Variants in MRPL16 observed in about 807,000 individuals in gnomAD.
The protein encoded by MRPL16 is large ribosomal subunit protein uL16m.
MRPL16 carries 17 observed loss-of-function variants against 22.7 expected under a neutral mutation model. That is an observed-to-expected ratio of 0.75 (90% CI 0.51 to 1.12). The LOEUF (loss-of-function observed/expected upper bound fraction) is 1.12, where lower values mean the gene tolerates loss of function less well. Ranked by LOEUF, MRPL16 falls within the 50% of genes most tolerant of loss-of-function variation. MRPL16 has a pLI of 0.00. For synonymous variants in MRPL16, 103 were observed against 112.8 expected (o/e 0.91, Z 0.55); for missense variants, 316 against 328.7 (o/e 0.96, Z 0.30).
intron 1 of MRPL16, chr11:59,810,306 C>T: frequency 7.8e-7 from 1 of 1,289,236 alleles, no homozygotes; most frequent in Non-Finnish European, 9.8e-7. Context: ...ACCGCGCCCG[C>T]CCAAAAGTAC....
intron 1 of MRPL16, chr11:59,810,390 G>C: frequency 1.4e-6 from 2 of 1,398,408 alleles, no homozygotes; most frequent in South Asian, 1.6e-5. Flanking sequence ...CTCCGCAAAA[G>C]GCCAGCCGGG....
intron 3 of MRPL16, 88 bp from the exon 4 acceptor site, chr11:59,806,920 T>G (rs1321074331): frequency 1.3e-6 from 2 of 1,486,794 alleles, no homozygotes; most frequent in Non-Finnish European, 1.8e-6. Flanking sequence ...TAACTGTGGC[T>G]TCAATGATAC....
rs1015218898 is a variant in MRPL16, at chr11:59,806,889, T to C, written c.271-57A>G. ...GCGGACTTCGACATCATCTATGGGC[T>C]CATTATTTTGTCTCTTCTAGTAACT... On this transcript the variant is annotated intron_variant, in intron 3 of 3. Coordinates refer to ENST00000300151, the MANE Select transcript of MRPL16 (RefSeq NM_017840.4). 6 of 1,551,312 alleles carry C rather than the reference T, an allele frequency of 3.9e-6. No homozygotes were observed. The Admixed American group carries it at 1.1e-4, about 30-fold the overall frequency.
chr11:59,810,046 C>T, intron 1 of MRPL16, 126 bp from the exon 2 acceptor site: 1 of 838,236 alleles, frequency 1.2e-6, no homozygotes, highest in Non-Finnish European at 1.8e-6. Flanking sequence ...TACTCTGTCG[C>T]CCAGGATCCA....
chr11:59,810,681 G>A lies in MRPL16; in HGVS notation c.-23C>T. On this transcript the variant is annotated 5_prime_UTR_variant, in exon 1 of 4. Transcript: ENST00000300151. ...CATGGTCACGGGCGTCCGGCGGCGC[G>A]GAGCTCCCCCAGCGACTCCGGCTGT... 4 of 1,613,550 alleles carry A rather than the reference G, an allele frequency of 2.5e-6. No homozygotes were observed. Among genetic ancestry groups the A allele is most frequent in the Non-Finnish European group, 3.4e-6 (4 of 1,179,736 alleles).
chr11:59,809,996 T>C, intron 1 of MRPL16, 76 bp from the exon 2 acceptor site: 2 of 1,172,310 alleles, frequency 1.7e-6, no homozygotes, highest in Admixed American at 2.5e-5. Context: ...AAGGTACTAC[T>C]TCTTATTTTT....
intron 1 of MRPL16, 154 bp downstream of exon 1, chr11:59,810,450 C>T (rs2135068737): frequency 2.0e-6 from 3 of 1,479,650 alleles, no homozygotes; most frequent in Middle Eastern, 2.1e-4. Flanking sequence ...TTGCACGAAC[C>T]CCTACGGTGG....
intron 1 of MRPL16, 95 bp downstream of exon 1, chr11:59,810,509 T>C (rs1866163048): frequency 6.3e-7 from 1 of 1,577,594 alleles, no homozygotes; most frequent in East Asian, 2.2e-5. Context: ...TCACCAAGCA[T>C]ATGCAGAGCC....
chr11:59,810,769 T>A lies in MRPL16; in HGVS notation c.-111A>T, dbSNP rs1866167320. 8.3e-7 allele frequency: 1 copy of A among 1,211,698 alleles called. No individual in the cohort carries two copies. The highest frequency in any genetic ancestry group is 2.1e-5 in the Admixed American group (1 of 48,692). The allele number at this position is 1,211,698 out of a possible 1,614,324, so 75.1% of individuals were successfully genotyped here. A position where few individuals can be genotyped will look rare whatever the true frequency, so the allele number is the denominator to read the frequency against. ...AGCTGTAATCGGCTCAGGACACCGC[T>A]CAGTGGGGCCGGAAGTTGTGTTCAC... On this transcript the variant is annotated 5_prime_UTR_variant, in exon 1 of 4. Transcript: ENST00000300151.
intron 1 of MRPL16, 198 bp downstream of exon 1, chr11:59,810,406 T>C: frequency 2.1e-6 from 3 of 1,406,814 alleles, no homozygotes; most frequent in South Asian, 1.6e-5. Context: ...CCGGGATCTC[T>C]GGGCGCCGAC....
At position 59,810,768 on chromosome 11, in the gene MRPL16, C is replaced by T; in HGVS notation, c.-110G>A. The T allele has an allele frequency of 1.7e-6, 2 of 1,211,060 alleles. No homozygotes were observed. Among genetic ancestry groups the T allele is most frequent in the Non-Finnish European group, 2.4e-6 (2 of 842,568 alleles). 75.0% of individuals were successfully genotyped at this position (1,211,060 alleles called of 1,614,324 possible). On this transcript the variant is annotated 5_prime_UTR_variant, in exon 1 of 4. Transcript: ENST00000300151. ...TAGCTGTAATCGGCTCAGGACACCG[C>T]TCAGTGGGGCCGGAAGTTGTGTTCA...
chr11:59,808,280 CAG>C (rs1377363571), intron 2 of MRPL16, among the ~76,000 whole-genome samples: 2 of 152,218 alleles, frequency 1.3e-5, no homozygotes, highest in Non-Finnish European at 2.9e-5. Flanking sequence ...AACACTGTAA[CAG>C]GGATTGTTTG....
Position 59,806,256 on chromosome 11 carries a change from GC to G in MRPL16, c.*90del. The G allele has an allele frequency of 7.1e-7, 1 of 1,411,596 alleles. No homozygotes were observed. The highest frequency in any genetic ancestry group is 1.4e-5 in the South Asian group (1 of 72,478). The allele number at this position is 1,411,596 out of a possible 1,614,324, so 87.4% of individuals were successfully genotyped here. A position where few individuals can be genotyped will look rare whatever the true frequency, so the allele number is the denominator to read the frequency against. ...GCTGCTCCTTAGTTATGGCTTAAGAGCTACCCAAAGACTTCAGTGGGTAGGC... is the reference window on the plus strand; with the variant it reads ...GCTGCTCCTTAGTTATGGCTTAAGAGTACCCAAAGACTTCAGTGGGTAGGC... On this transcript the variant is annotated 3_prime_UTR_variant, in exon 4 of 4. Transcript: ENST00000300151.
At chr11:59,809,798 C>T (rs911575294) in intron 2 of MRPL16, 57 bp downstream of exon 2, 4 of 1,469,028 alleles carry the variant, frequency 2.7e-6, no homozygotes, top group Non-Finnish European at 9.5e-7. Flanking sequence ...ATCTCCCACC[C>T]GCTCCTGGTT....
At chr11:59,809,598 C>G in intron 2 of MRPL16, 1 of 431,692 alleles carries the variant, frequency 2.3e-6, no homozygotes, top group Non-Finnish European at 4.1e-6. Flanking sequence ...ATGGGACACA[C>G]ACCAGTGGGA....
chr11:59,807,775 GT>G lies in MRPL16; in HGVS notation c.195del (p.Glu65AspfsTer5), dbSNP rs1162178167. 6.2e-7 allele frequency: 1 copy of G among 1,613,268 alleles called. No homozygotes were observed. The highest frequency in any genetic ancestry group is 8.5e-7 in the Non-Finnish European group (1 of 1,179,700). ...CCCCGTATGTCACTTAAATTTTTAG[GT>G]TCTCTTCTTACTTTTGGCACAAGTG... ...RAPLVPKVRR[E>X]PKNLSDIRGP... On this transcript the variant is annotated frameshift_variant, in exon 3 of 4. Transcript: ENST00000300151. LOFTEE classifies it high-confidence loss of function.
At chr11:59,810,349 G>T in intron 1 of MRPL16, 1 of 1,356,224 alleles carries the variant, frequency 7.4e-7, no homozygotes. Flanking sequence ...TGTGGGATGC[G>T]GATTCCACTA....
Position 59,806,161 on chromosome 11 carries a change from T to G in MRPL16, c.*186A>C. On this transcript the variant is annotated 3_prime_UTR_variant, in exon 4 of 4. Coordinates refer to ENST00000300151, the MANE Select transcript of MRPL16 (RefSeq NM_017840.4). ...TATATCCTGAAGTGATGTTTAAATT[T>G]TATTTAATAAAAATACAGTTTTCTT... 1.6e-6 allele frequency: 1 copy of G among 626,918 alleles called. No homozygotes were observed. Among genetic ancestry groups the G allele is most frequent in the South Asian group, 2.5e-5 (1 of 40,012 alleles). The allele number at this position is 626,918 out of a possible 1,614,324, so 38.8% of individuals were successfully genotyped here.
chr11:59,810,550 A>G, intron 1 of MRPL16, 54 bp downstream of exon 1: 1 of 1,609,808 alleles, frequency 6.2e-7, no homozygotes. Flanking sequence ...AAAGCACTGG[A>G]GGGTGGGGGA....
Sources: gnomAD v4.1 joint callset for allele counts (sites outside exome capture counted in the v4.1 genomes callset) on GRCh38, gnomAD v4.1.1 for gene constraint, MANE v1.5 for transcripts, NCBI Gene and HGNC (gene_info 2026-07-23, HGNC 2026-07-21) for gene names.